Variants in SYN3 observed in about 807,000 individuals in gnomAD.
The protein encoded by SYN3 is synapsin III.
A neutral mutation model predicts 65.8 loss-of-function variants in SYN3; 35 were observed. The observed-to-expected ratio is 0.53, with a 90% CI of 0.41 to 0.70. SYN3 has a LOEUF of 0.70. Ranked by LOEUF, SYN3 falls within the 30% of genes least tolerant of loss-of-function variation. The pLI, the probability that SYN3 is intolerant of heterozygous loss-of-function variation, is 0.00. For missense variants in SYN3, 680 were observed against 749.0 expected (o/e 0.91, Z 1.08); for synonymous variants, 270 against 292.9 (o/e 0.92, Z 0.80).
chr22:32,709,283 C>T (rs867102696), intron 6 of SYN3, among the ~76,000 whole-genome samples: 1 of 152,210 alleles, frequency 6.6e-6, no homozygotes, highest in Non-Finnish European at 1.5e-5. Context: ...TGAGGAACAA[C>T]TTGAACGGCA....
intron 3 of SYN3, among the ~76,000 whole-genome samples, chr22:32,969,940 C>T (rs1056318026): frequency 6.6e-6 from 1 of 152,188 alleles, no homozygotes; most frequent in African/African-American, 2.4e-5. Context: ...AATCAAAACA[C>T]ACACACAAAC....
At chr22:32,763,097 G>A (rs780748813) in intron 6 of SYN3, among the ~76,000 whole-genome samples, 11 of 152,012 alleles carry the variant, frequency 7.2e-5, no homozygotes, top group Admixed American at 6.6e-5. Context: ...TTTTTTTAAA[G>A]TGTAACATAA....
Position 33,021,784 on chromosome 22 carries a change from ATTTT to A in SYN3, c.-162-14964_-162-14961del, listed in dbSNP as rs57313381. Among the ~76,000 whole-genome samples the A allele has an allele frequency of 4.3e-3, 610 of 141,660 alleles. 3 individuals are homozygous for A. The highest frequency in any genetic ancestry group is 0.012 in the African/African-American group (454 of 38,504). The allele number at this position is 141,660 out of a possible 152,430, so 92.9% of individuals were successfully genotyped here. A position where few individuals can be genotyped will look rare whatever the true frequency, so the allele number is the denominator to read the frequency against. On this transcript the variant is annotated intron_variant, in intron 1 of 13. Coordinates refer to ENST00000358763, the MANE Select transcript of SYN3 (RefSeq NM_003490.4). ...TTCTATAAACTATATACTGTAACTT[ATTTT>A]TTTTTTTTTTTTGCTTATTCTTCAT... is the stretch of plus-strand genomic sequence containing the variant.
chr22:32,748,365 C>G (rs574537643), intron 6 of SYN3, among the ~76,000 whole-genome samples: 1 of 152,272 alleles, frequency 6.6e-6, no homozygotes, highest in South Asian at 2.1e-4. Context: ...TAACTTTGTA[C>G]AGACAGCAAC....
At chr22:32,859,024 G>T in intron 6 of SYN3, 1 of 721,054 alleles carries the variant, frequency 1.4e-6, no homozygotes, top group Non-Finnish European at 2.5e-6. Context: ...GACAGCAGAT[G>T]CTCAAGCTAG....
At position 32,708,868 on chromosome 22, in the gene SYN3, G is replaced by A. The variant is rs527321632; in HGVS notation, c.712-112132C>T. Among the ~76,000 whole-genome samples, 8 of 152,342 alleles carry A rather than the reference G, an allele frequency of 5.3e-5. No individual in the cohort carries two copies. The East Asian group carries it at 1.4e-3, about 26-fold the overall frequency. On this transcript the variant is annotated intron_variant, in intron 6 of 13. Coordinates refer to ENST00000358763, the MANE Select transcript of SYN3 (RefSeq NM_003490.4). Reference sequence around the variant, plus strand: ...GCCCTTGAGCCAGCCATTTCCTGGCGTGGGATGCATGATGACTCCGTGCGG... The same window carrying A: ...GCCCTTGAGCCAGCCATTTCCTGGCATGGGATGCATGATGACTCCGTGCGG...
chr22:32,950,205 G>C (rs1360089755), intron 3 of SYN3, among the ~76,000 whole-genome samples: 1 of 152,178 alleles, frequency 6.6e-6, no homozygotes, highest in African/African-American at 2.4e-5. Context: ...CAGGTACTAA[G>C]TTCACAGGAA....
chr22:32,714,832 T>C (rs1323022504), intron 6 of SYN3, among the ~76,000 whole-genome samples: 1 of 152,228 alleles, frequency 6.6e-6, no homozygotes, highest in African/African-American at 2.4e-5. Flanking sequence ...GTACCTCTTC[T>C]AGTGTTTCTG....
At chr22:32,976,994 TG>T (rs133920) in intron 3 of SYN3, among the ~76,000 whole-genome samples, 39,430 of 148,808 alleles carry the variant, frequency 0.26, 5,294 homozygotes, top group Middle Eastern at 0.3. Flanking sequence ...GTGAGATTCC[TG>T]GGGGGGGGGT....
In SYN3 at chr22:32,509,083, T is replaced by C; in HGVS notation, c.*4609A>G. On this transcript the variant is annotated 3_prime_UTR_variant, in exon 14 of 14. Transcript: ENST00000358763. ...TAATGAAGAGAATCTAGGGAACTGA[T>C]GGAAGAGAAAGGATATGCCACTGTT... Among the ~76,000 whole-genome samples the C allele has an allele frequency of 6.6e-6, 1 of 152,218 alleles. No individual in the cohort carries two copies. Among genetic ancestry groups the C allele is most frequent in the East Asian group, 1.9e-4 (1 of 5,200 alleles).
At chr22:32,965,372 C>T (rs1201288995) in intron 3 of SYN3, among the ~76,000 whole-genome samples, 1 of 152,038 alleles carries the variant, frequency 6.6e-6, no homozygotes, top group African/African-American at 2.4e-5. Context: ...TCATCTTTCC[C>T]CACTCTGGAT....
At chr22:32,954,605 T>C (rs1457875525) in intron 3 of SYN3, among the ~76,000 whole-genome samples, 1 of 152,182 alleles carries the variant, frequency 6.6e-6, no homozygotes, top group African/African-American at 2.4e-5. Flanking sequence ...GATGGATGGG[T>C]TCTGGGTGCA....
Position 32,509,620 on chromosome 22 carries a change from G to C in SYN3, c.*4072C>G, listed in dbSNP as rs8142460. ...GTCTCACTCTGTTGCCCAGGCTGGA[G>C]TGCAGTGGTGCGATCTCGGCTCACT... On this transcript the variant is annotated 3_prime_UTR_variant, in exon 14 of 14. Transcript: ENST00000358763. Among the ~76,000 whole-genome samples the C allele has an allele frequency of 0.3, 44,970 of 151,716 alleles. 8,439 individuals carry two copies. The highest frequency in any genetic ancestry group is 0.53 in the African/African-American group (21,660 of 41,196).
intron 12 of SYN3, among the ~76,000 whole-genome samples, chr22:32,525,365 G>C (rs2057958257): frequency 6.6e-6 from 1 of 152,156 alleles, no homozygotes; most frequent in Non-Finnish European, 1.5e-5. Flanking sequence ...GCTTCTTATG[G>C]ATAAGCTAAT....
chr22:32,779,874 A>G (rs1439177931), intron 6 of SYN3, among the ~76,000 whole-genome samples: 1 of 152,056 alleles, frequency 6.6e-6, no homozygotes, highest in Non-Finnish European at 1.5e-5. Context: ...CCCTGGGATA[A>G]CCTGGGCAGA....
intron 6 of SYN3, chr22:32,862,894 A>G (rs1339522328): frequency 6.6e-6 from 1 of 152,610 alleles, no homozygotes; most frequent in Non-Finnish European, 1.5e-5. Flanking sequence ...TTGTTGCTAA[A>G]TTTCGTAGCA....
chr22:32,655,596 T>G (rs929731670), intron 6 of SYN3, among the ~76,000 whole-genome samples: 6 of 152,164 alleles, frequency 3.9e-5, no homozygotes, highest in Non-Finnish European at 5.9e-5. Context: ...CATAGGAGCG[T>G]GGACCCTATT....
At chr22:32,870,574 G>T (rs186309971) in intron 4 of SYN3, among the ~76,000 whole-genome samples, 58 of 152,192 alleles carry the variant, frequency 3.8e-4, no homozygotes, top group Admixed American at 6.5e-4. Context: ...GGATTAAAGG[G>T]TGTAAGCTTT....
intron 6 of SYN3, among the ~76,000 whole-genome samples, chr22:32,818,536 C>A (rs2146040872): frequency 6.6e-6 from 1 of 152,280 alleles, no homozygotes; most frequent in Non-Finnish European, 1.5e-5. Flanking sequence ...ACTATTCAGA[C>A]TCTCGCTTTC....
Sources: gnomAD v4.1 joint callset for allele counts (sites outside exome capture counted in the v4.1 genomes callset) on GRCh38, gnomAD v4.1.1 for gene constraint, MANE v1.5 for transcripts, NCBI Gene and HGNC (gene_info 2026-07-23, HGNC 2026-07-21) for gene names.